Variants in PDXDC1 observed in about 807,000 individuals in gnomAD.
PDXDC1 encodes pyridoxal-dependent decarboxylase domain-containing protein 1.
A neutral mutation model predicts 100.1 loss-of-function variants in PDXDC1; 42 were observed. That is an observed-to-expected ratio of 0.42 (90% CI 0.33 to 0.54). The LOEUF is 0.54. PDXDC1 is among the 20% of genes least tolerant of loss of function. The probability of loss-of-function intolerance (pLI) is 0.10; values close to 1 mark genes in which losing one functional copy is unlikely to be tolerated. For synonymous variants in PDXDC1, 260 were observed against 371.7 expected, an observed-to-expected ratio of 0.70 and a Z score of 3.46; for missense variants, 636 against 979.2, an observed-to-expected ratio of 0.65 and a Z score of 4.68.
chr16:15,089,786 C>CAAAAAAAAA (rs142235345), intron 16 of PDXDC1, among the ~76,000 whole-genome samples: 14 of 66,576 alleles, frequency 2.1e-4, no homozygotes, highest in East Asian at 5.2e-4. Flanking sequence ...GGCGACAGAG[C>CAAAAAAAAA]AAAAAAAAAA....
chr16:15,097,267 C>A (rs1412453727), intron 16 of PDXDC1, among the ~76,000 whole-genome samples: 2 of 148,944 alleles, frequency 1.3e-5, no homozygotes, highest in African/African-American at 2.5e-5. Flanking sequence ...AAAATCTCAT[C>A]TCTTAAAAAA....
intron 16 of PDXDC1, chr16:15,104,611 T>G (rs774268036): frequency 2.5e-6 from 4 of 1,598,912 alleles, no homozygotes; most frequent in Non-Finnish European, 3.4e-6. Context: ...GCAGGTGTCT[T>G]GAGGCTCAGG....
At chr16:15,015,188 G>A (rs1331184540) in intron 8 of PDXDC1, among the ~76,000 whole-genome samples, 13 of 152,230 alleles carry the variant, frequency 8.5e-5, no homozygotes, top group South Asian at 2.1e-4. Flanking sequence ...TGATCCACCC[G>A]CCTGGGCCTC....
chr16:15,050,535 C>G (rs760900446), intron 16 of PDXDC1, among the ~76,000 whole-genome samples: 7 of 152,116 alleles, frequency 4.6e-5, no homozygotes, highest in African/African-American at 9.7e-5. Flanking sequence ...GAGTTCAAAA[C>G]CAGCCTGGGC....
chr16:15,033,205 A>T, intron 18 of PDXDC1, 73 bp from the exon 19 acceptor site: 2 of 1,551,760 alleles, frequency 1.3e-6, no homozygotes, highest in Non-Finnish European at 8.9e-7. Context: ...AGGACCCTGA[A>T]CAGGAGAGTA....
chr16:15,112,084 C>G (rs544439989), intron 16 of PDXDC1, among the ~76,000 whole-genome samples: 1 of 148,070 alleles, frequency 6.8e-6, no homozygotes, highest in Admixed American at 6.7e-5. Flanking sequence ...TGACTGAATT[C>G]CCACCAAATT....
intron 16 of PDXDC1, among the ~76,000 whole-genome samples, chr16:15,124,206 C>T (rs2047577862): frequency 1.3e-5 from 2 of 152,082 alleles, no homozygotes; most frequent in Admixed American, 1.3e-4. Context: ...TGGGCAGGAC[C>T]CAGGGGCCTG....
At chr16:15,087,543 G>A (rs2045956559) in intron 16 of PDXDC1, among the ~76,000 whole-genome samples, 1 of 152,066 alleles carries the variant, frequency 6.6e-6, no homozygotes, top group South Asian at 2.1e-4. Flanking sequence ...TGCTTACTAT[G>A]CCATATCCAT....
intron 16 of PDXDC1, among the ~76,000 whole-genome samples, chr16:15,089,583 G>A (rs908026040): frequency 1.4e-5 from 2 of 147,874 alleles, no homozygotes; most frequent in East Asian, 2.1e-4. Context: ...GGCGGATCAC[G>A]AGGTCAGAAG....
At chr16:15,131,705 C>G in intron 16 of PDXDC1, 1 of 1,529,830 alleles carries the variant, frequency 6.5e-7, no homozygotes, top group Non-Finnish European at 8.8e-7. Context: ...TGGATGAGGT[C>G]TCCTGCAGAC....
rs370985511 is a variant in PDXDC1, at chr16:15,009,781, C to A, written c.727+22C>A. ...GCAGGTAGGTAGCATGATGCTGAAT[C>A]TACCATTTTGAATATATAGGAGCGA... On this transcript the variant is annotated intron_variant, in intron 8 of 22. Coordinates refer to ENST00000396410, the MANE Select transcript of PDXDC1 (RefSeq NM_015027.4). The A allele has an allele frequency of 8.6e-4, 1,392 of 1,613,544 alleles. 18 individuals are homozygous for A. In the African/African-American group the frequency reaches 0.016, roughly 19 times the overall value.
At position 15,129,494 on chromosome 16, in the gene PDXDC1, A is replaced by T. The variant is rs535398363; in HGVS notation, c.1400-9385A>T. Among the ~76,000 whole-genome samples, 24 of 152,370 alleles carry T rather than the reference A, an allele frequency of 1.6e-4. No individual in the cohort carries two copies. The South Asian group carries it at 4.8e-3, about 30-fold the overall frequency. On this transcript the variant is annotated intron_variant, in intron 16 of 16. Coordinates refer to the PDXDC1 transcript ENST00000535621. Reference sequence around the variant, plus strand: ...ATGCCAGAAGGGCAATTCCAATGAAAGGAAAATAGAGGTATTGAAGAAACA... The same window carrying T: ...ATGCCAGAAGGGCAATTCCAATGAATGGAAAATAGAGGTATTGAAGAAACA...
At chr16:15,140,283 A>G (rs1310494800), downstream of PDXDC1, among the ~76,000 whole-genome samples, 1 of 150,404 alleles carries the variant, frequency 6.6e-6, no homozygotes. Context: ...TGTCTCTACC[A>G]AAACTACAGA....
At chr16:15,007,586 G>A (rs2040892785) in intron 6 of PDXDC1, among the ~76,000 whole-genome samples, 1 of 152,280 alleles carries the variant, frequency 6.6e-6, no homozygotes, top group African/African-American at 2.4e-5. Flanking sequence ...AAAACCATAG[G>A]GTTGGAGGGT....
chr16:15,024,545 T>TG (rs1191128979), intron 13 of PDXDC1, among the ~76,000 whole-genome samples: 13 of 152,248 alleles, frequency 8.5e-5, no homozygotes, highest in Non-Finnish European at 7.3e-5. Context: ...CCCGAGTAGC[T>TG]GGGGTTACAG....
chr16:15,073,882 T>C (rs983880471), intron 16 of PDXDC1, among the ~76,000 whole-genome samples: 1 of 152,114 alleles, frequency 6.6e-6, no homozygotes, highest in Non-Finnish European at 1.5e-5. Context: ...TTGGCCTAAG[T>C]GCTGGGATTC....
chr16:15,150,035 G>A, the PDXDC1 span, among the ~76,000 whole-genome samples: 3 of 151,982 alleles, frequency 2.0e-5, no homozygotes, highest in Non-Finnish European at 4.4e-5. Flanking sequence ...GAGAGGAAGG[G>A]AAGCTCCTAG....
At chr16:15,021,949 G>T (rs548206324) in intron 12 of PDXDC1, among the ~76,000 whole-genome samples, 1 of 152,404 alleles carries the variant, frequency 6.6e-6, no homozygotes, top group African/African-American at 2.4e-5. Flanking sequence ...AACTTCACTA[G>T]AATGTCAGTT....
intron 16 of PDXDC1, chr16:15,127,093 A>T (rs902285021): frequency 8.2e-5 from 29 of 355,208 alleles, no homozygotes; most frequent in African/African-American, 5.8e-4. Flanking sequence ...CGGCCCGGCC[A>T]CTGGGAGGTT....
Sources: allele counts gnomAD v4.1 joint callset (sites outside exome capture counted in the v4.1 genomes callset), GRCh38; gene constraint gnomAD v4.1.1; transcripts MANE v1.5; gene names NCBI Gene and HGNC (gene_info 2026-07-23, HGNC 2026-07-21).